The following MORC4 variants were observed in gnomAD, a reference collection of about 807,000 sequenced individuals.
MORC4 encodes the protein MORC family CW-type zinc finger 4.
Under a neutral mutation model 65.5 loss-of-function variants are expected in MORC4, and 22 were observed. The observed-to-expected ratio is 0.34, with a 90% CI of 0.24 to 0.48. MORC4 has a LOEUF of 0.48. Among genes scored for constraint, MORC4 ranks in the 20% least tolerant of loss-of-function variants. The pLI is 0.99. For missense variants in MORC4, 624 were observed against 703.0 expected (o/e 0.89, Z 1.27); for synonymous variants, 267 against 255.8 (o/e 1.04, Z -0.42).
Position 106,976,683 on chromosome X carries a change from G to T in MORC4, c.1058C>A (p.Pro353Gln). Residue 353 changes from proline to glutamine, a missense_variant and splice_region_variant, in exon 9 of 17, where the codon CCA (proline) becomes CAA (glutamine). Pro to Gln is a moderately conservative substitution (Grantham distance 76). Coordinates refer to ENST00000355610, the MANE Select transcript of MORC4 (RefSeq NM_024657.5). ...SFEKVGCQVK[P>Q]TRGEGVGVIG... ...TACTCCTACACCTTCTCCACGAGTTGGCTTAGAAGAAAATATTAATTTCAA... is the reference window on the plus strand; with the variant it reads ...TACTCCTACACCTTCTCCACGAGTTTGCTTAGAAGAAAATATTAATTTCAA... The T allele has an allele frequency of 8.4e-7, 1 of 1,186,737 alleles. No homozygotes were observed. The highest frequency in any genetic ancestry group is 1.7e-5 in the African/African-American group (1 of 57,191).
chrX:106,994,607 G>A (rs1935043193), intron 2 of MORC4, among the ~76,000 whole-genome samples: 1 of 111,996 alleles, frequency 8.9e-6, no homozygotes, highest in African/African-American at 3.2e-5. Flanking sequence ...TGGATATGTG[G>A]AATGTTCATC....
intron 9 of MORC4, among the ~76,000 whole-genome samples, chrX:106,967,998 C>A (rs202046292): frequency 9.0e-6 from 1 of 111,067 alleles, no homozygotes; most frequent in East Asian, 2.8e-4. Context: ...AAGAGCAACC[C>A]CAAGACACAC....
chrX:106,942,310 A>C (rs1442421050), intron 15 of MORC4, 89 bp from the exon 16 acceptor site: 3 of 1,047,853 alleles, frequency 2.9e-6, no homozygotes, highest in Non-Finnish European at 3.9e-6. Context: ...ATTCCACTAT[A>C]CATATTCCTC....
Position 106,941,114 on chromosome X carries a change from C to T in MORC4, c.*365G>A, listed in dbSNP as rs956422999. ...CCAAAATAATACCTGGTATACCGGACCCAATATCTGCTGATTGATCTAACC... is the reference window on the plus strand; with the variant it reads ...CCAAAATAATACCTGGTATACCGGATCCAATATCTGCTGATTGATCTAACC... On this transcript the variant is annotated 3_prime_UTR_variant, in exon 17 of 17. Transcript: ENST00000355610. The T allele has an allele frequency of 2.1e-5, 3 of 143,813 alleles. No homozygotes were observed. Among genetic ancestry groups the T allele is most frequent in the Non-Finnish European group, 1.3e-5 (1 of 74,184 alleles). 11.9% of individuals were successfully genotyped at this position (143,813 alleles called of 1,213,427 possible). A position where few individuals can be genotyped will look rare whatever the true frequency, so the allele number is the denominator to read the frequency against.
intron 9 of MORC4, among the ~76,000 whole-genome samples, chrX:106,964,409 A>G (rs1934325715): frequency 8.9e-6 from 1 of 112,116 alleles, no homozygotes; most frequent in Non-Finnish European, 1.9e-5. Context: ...AAGTGGTCCA[A>G]CATATGCATT....
chrX:106,961,428 G>A (rs1478576816), intron 10 of MORC4, among the ~76,000 whole-genome samples: 2 of 112,211 alleles, frequency 1.8e-5, no homozygotes, highest in Admixed American at 9.4e-5. Flanking sequence ...GAAGCAATTA[G>A]TACCTGTGAG....
chrX:106,946,491 G>A (rs1332844312), intron 14 of MORC4, among the ~76,000 whole-genome samples: 4 of 112,178 alleles, frequency 3.6e-5, no homozygotes, highest in Non-Finnish European at 7.5e-5. Flanking sequence ...CTAAATAATA[G>A]TCCATTGTAT....
At chrX:106,951,813 T>C (rs1933975047) in intron 14 of MORC4, among the ~76,000 whole-genome samples, 1 of 109,277 alleles carries the variant, frequency 9.2e-6, no homozygotes, top group African/African-American at 3.3e-5. Context: ...CTGACCAACA[T>C]GGTGAAACCC....
chrX:106,949,774 GCGAGA>G (rs778232283), intron 14 of MORC4, among the ~76,000 whole-genome samples: 1 of 112,359 alleles, frequency 8.9e-6, no homozygotes, highest in Non-Finnish European at 1.9e-5. Flanking sequence ...TTGAGTGTGT[GCGAGA>G]CTTGGAGGTT....
At chrX:106,981,502 T>G (rs1934741214) in intron 5 of MORC4, 25 bp from the exon 6 acceptor site, 1 of 1,144,722 alleles carries the variant, frequency 8.7e-7, no homozygotes, top group African/African-American at 1.9e-5. Context: ...CAAGTACCAA[T>G]CTAACAAAAA....
intron 9 of MORC4, among the ~76,000 whole-genome samples, chrX:106,976,129 T>C (rs1387749881): frequency 8.9e-6 from 1 of 112,057 alleles, no homozygotes; most frequent in Non-Finnish European, 1.9e-5. Context: ...TTGCCTGCCC[T>C]ATTAAATCTA....
At chrX:106,955,120 T>G in intron 13 of MORC4, 32 bp from the exon 14 acceptor site, 1 of 1,082,873 alleles carries the variant, frequency 9.2e-7, no homozygotes, top group Non-Finnish European at 1.3e-6. Context: ...TGTAAAAGTC[T>G]CAAATTCAAA....
intron 2 of MORC4, among the ~76,000 whole-genome samples, chrX:106,996,057 A>T: frequency 9.0e-6 from 1 of 111,352 alleles, no homozygotes. Flanking sequence ...AACATGTAAC[A>T]CCTATCAATT....
At chrX:106,996,968 A>T (rs1238636905) in intron 2 of MORC4, among the ~76,000 whole-genome samples, 1 of 111,834 alleles carries the variant, frequency 8.9e-6, no homozygotes, top group Non-Finnish European at 1.9e-5. Context: ...TTTCTGTTTC[A>T]TAGCATCATA....
At chrX:106,975,477 T>C (rs962917430) in intron 9 of MORC4, among the ~76,000 whole-genome samples, 8 of 111,630 alleles carry the variant, frequency 7.2e-5, no homozygotes, top group African/African-American at 2.6e-4. Context: ...GCCATTCAAA[T>C]AGTTATCTCT....
intron 5 of MORC4, among the ~76,000 whole-genome samples, chrX:106,983,261 T>C: frequency 8.9e-6 from 1 of 112,370 alleles, no homozygotes; most frequent in African/African-American, 3.2e-5. Context: ...TCACTGGAAA[T>C]ACCTCAAAAA....
chrX:106,958,531 A>C (rs945855605), intron 10 of MORC4, 67 bp from the exon 11 acceptor site: 18 of 954,814 alleles, frequency 1.9e-5, no homozygotes, highest in Non-Finnish European at 2.5e-5. Flanking sequence ...TACATTAGAA[A>C]GGTGCAGCCA....
chrX:106,960,297 T>C (rs1019333637), intron 10 of MORC4, among the ~76,000 whole-genome samples: 23 of 112,536 alleles, frequency 2.0e-4, no homozygotes, highest in Admixed American at 3.8e-4. Flanking sequence ...TCGGGTTCCA[T>C]GCAGATCATG....
intron 9 of MORC4, among the ~76,000 whole-genome samples, chrX:106,971,381 A>T (rs1437403159): frequency 8.9e-6 from 1 of 112,027 alleles, no homozygotes; most frequent in African/African-American, 3.2e-5. Context: ...AAACCTAGGC[A>T]ATACCATTCA....
Sources: gnomAD v4.1 joint callset for allele counts (sites outside exome capture counted in the v4.1 genomes callset) on GRCh38, gnomAD v4.1.1 for gene constraint, MANE v1.5 for transcripts, NCBI Gene and HGNC (gene_info 2026-07-23, HGNC 2026-07-21) for gene names.